The following ATP6V1C1 variants were observed in gnomAD, a reference collection of about 807,000 sequenced individuals.
The protein encoded by ATP6V1C1 is V-type proton ATPase subunit C 1.
A neutral mutation model predicts 53.9 loss-of-function variants in ATP6V1C1; 45 were observed. The observed-to-expected ratio is 0.83, with a 90% CI of 0.66 to 1.07. The LOEUF is 1.07. Ranked by LOEUF, ATP6V1C1 falls within the 50% of genes least tolerant of loss-of-function variation. ATP6V1C1 has a pLI of 0.00. For synonymous variants in ATP6V1C1, 153 were observed against 155.2 expected (o/e 0.99, Z 0.11); for missense variants, 315 against 440.3 (o/e 0.72, Z 2.55).
intron 1 of ATP6V1C1, among the ~76,000 whole-genome samples, chr8:103,025,295 C>T (rs886332246): frequency 2.6e-4 from 39 of 152,064 alleles, no homozygotes; most frequent in Non-Finnish European, 5.9e-5. Flanking sequence ...TCTGTTTCGC[C>T]CCTACCCACT....
chr8:103,040,668 C>A, intron 1 of ATP6V1C1, 130 bp from the exon 2 acceptor site: 1 of 740,656 alleles, frequency 1.4e-6, no homozygotes, highest in Non-Finnish European at 2.0e-6. Flanking sequence ...TTTCACTTTG[C>A]TTGAGATCCT....
chr8:103,024,693 A>G (rs1344897350), intron 1 of ATP6V1C1, among the ~76,000 whole-genome samples: 2 of 152,270 alleles, frequency 1.3e-5, no homozygotes, highest in Non-Finnish European at 2.9e-5. Flanking sequence ...AAAGACAGAC[A>G]TAGTATAAAC....
At chr8:103,066,979 G>GA (rs376277795) in intron 12 of ATP6V1C1, among the ~76,000 whole-genome samples, 124 of 131,742 alleles carry the variant, frequency 9.4e-4, no homozygotes, top group Middle Eastern at 3.8e-3. Context: ...TCTGAAAAAA[G>GA]AAAAAAAAAA....
chr8:103,059,399 A>G (rs1348722667), intron 8 of ATP6V1C1, among the ~76,000 whole-genome samples: 12 of 151,890 alleles, frequency 7.9e-5, no homozygotes, highest in Non-Finnish European at 1.8e-4. Context: ...TATCACCCCA[A>G]TCTCAGACTC....
chr8:103,051,449 A>G (rs1221094743), intron 5 of ATP6V1C1, among the ~76,000 whole-genome samples: 2 of 152,120 alleles, frequency 1.3e-5, no homozygotes, highest in East Asian at 3.8e-4. Context: ...AGAATAGGAA[A>G]TTGGAGTCTA....
intron 10 of ATP6V1C1, 108 bp from the exon 11 acceptor site, chr8:103,064,606 C>T: frequency 2.5e-6 from 2 of 787,766 alleles, no homozygotes; most frequent in Middle Eastern, 2.6e-4. Flanking sequence ...AATTATGCGA[C>T]TTAATTCTTC....
chr8:103,024,303 AT>A (rs976915012), intron 1 of ATP6V1C1, among the ~76,000 whole-genome samples: 1 of 152,134 alleles, frequency 6.6e-6, no homozygotes, highest in African/African-American at 2.4e-5. Context: ...ACTCATTTTT[AT>A]TTTTTTGGTA....
chr8:103,058,135 T>C (rs1327403856), intron 8 of ATP6V1C1, among the ~76,000 whole-genome samples: 1 of 152,218 alleles, frequency 6.6e-6, no homozygotes, highest in Non-Finnish European at 1.5e-5. Context: ...ACTTTAAAAA[T>C]ATTCCATCAG....
intron 12 of ATP6V1C1, among the ~76,000 whole-genome samples, chr8:103,067,165 G>A (rs1286546826): frequency 2.6e-5 from 4 of 152,034 alleles, no homozygotes; most frequent in South Asian, 2.1e-4. Context: ...TTGGGAGGCC[G>A]AGGCGGGGGG....
At chr8:103,049,490 A>G (rs1461005480) in intron 4 of ATP6V1C1, among the ~76,000 whole-genome samples, 3 of 152,246 alleles carry the variant, frequency 2.0e-5, no homozygotes, top group Non-Finnish European at 4.4e-5. Flanking sequence ...CAGTATTTAC[A>G]TAGAGTTTGC....
chr8:103,059,367 G>A (rs549988810), intron 8 of ATP6V1C1, among the ~76,000 whole-genome samples: 1 of 152,044 alleles, frequency 6.6e-6, no homozygotes, highest in African/African-American at 2.4e-5. Context: ...ACTCCATGTG[G>A]TATTTCCTAG....
At chr8:103,032,511 C>T (rs1816816876) in intron 1 of ATP6V1C1, among the ~76,000 whole-genome samples, 3 of 151,512 alleles carry the variant, frequency 2.0e-5, no homozygotes, top group Admixed American at 6.6e-5. Flanking sequence ...TTCTTTCTTT[C>T]CTCACTCTGC....
rs192271559 is a variant in ATP6V1C1, at chr8:103,045,742, C to T, written c.201-3128C>T. Among the ~76,000 whole-genome samples the T allele has an allele frequency of 2.7e-3, 404 of 152,126 alleles. 19 individuals carry two copies. The East Asian group carries it at 0.056, about 21-fold the overall frequency. ...GGATCATGAGGTCAGGAGATCGAGACCATCCTGGCTAACACGATGAAACCC... is the reference window on the plus strand; with the variant it reads ...GGATCATGAGGTCAGGAGATCGAGATCATCCTGGCTAACACGATGAAACCC... On this transcript the variant is annotated intron_variant, in intron 3 of 12. Transcript: ENST00000518738.
intron 1 of ATP6V1C1, among the ~76,000 whole-genome samples, chr8:103,034,796 C>A (rs1185193103): frequency 2.0e-5 from 3 of 152,066 alleles, no homozygotes; most frequent in African/African-American, 7.2e-5. Flanking sequence ...GTCTTGAACT[C>A]TTGATCTCAG....
Position 103,072,481 on chromosome 8 carries a change from G to A in ATP6V1C1, c.*3734G>A, listed in dbSNP as rs1044149564. On this transcript the variant is annotated 3_prime_UTR_variant, in exon 13 of 13. Coordinates refer to ENST00000518738, the MANE Select transcript of ATP6V1C1 (RefSeq NM_001695.5). Reference sequence around the variant, plus strand: ...CTTCTGTTAATGTCAATAAAAGATGGTTTGTCCTAGAAGGTCTATAAATGG... The same window carrying A: ...CTTCTGTTAATGTCAATAAAAGATGATTTGTCCTAGAAGGTCTATAAATGG... The A allele has an allele frequency of 1.3e-5, 2 of 152,198 alleles. No individual in the cohort carries two copies. The highest frequency in any genetic ancestry group is 4.8e-5 in the African/African-American group (2 of 41,444). The allele number at this position is 152,198 out of a possible 1,614,324, so 9.4% of individuals were successfully genotyped here.
chr8:103,068,016 T>C (rs1486994749), intron 12 of ATP6V1C1, among the ~76,000 whole-genome samples: 1 of 152,246 alleles, frequency 6.6e-6, no homozygotes, highest in Non-Finnish European at 1.5e-5. Flanking sequence ...TTTTTGGCTC[T>C]GTTGCTCAGG....
At chr8:103,063,316 C>T in intron 10 of ATP6V1C1, 88 bp downstream of exon 10, 1 of 879,398 alleles carries the variant, frequency 1.1e-6, no homozygotes, top group South Asian at 2.0e-5. Flanking sequence ...AAGTAAAAAT[C>T]TGCTTTGGTT....
Position 103,062,937 on chromosome 8 carries a change from C to CTT in ATP6V1C1, c.642-8_642-7dup, listed in dbSNP as rs375336829. Reference sequence around the variant, plus strand: ...CAATACGTATAAATCTTTAAATGGACTTTTTTTTTTTCCATAGTGTTCTTT... The same window carrying CTT: ...CAATACGTATAAATCTTTAAATGGACTTTTTTTTTTTTTCCATAGTGTTCTTT... On this transcript the variant is annotated splice_polypyrimidine_tract_variant and intron_variant, in intron 8 of 12. Transcript: ENST00000518738. The CTT allele has an allele frequency of 3.3e-5, 40 of 1,215,636 alleles. No homozygotes were observed. The highest frequency in any genetic ancestry group is 2.2e-4 in the Middle Eastern group (1 of 4,492). 75.3% of individuals were successfully genotyped at this position (1,215,636 alleles called of 1,614,324 possible). A position where few individuals can be genotyped will look rare whatever the true frequency, so the allele number is the denominator to read the frequency against.
At chr8:103,067,865 G>T (rs867133796) in intron 12 of ATP6V1C1, among the ~76,000 whole-genome samples, 3 of 152,108 alleles carry the variant, frequency 2.0e-5, no homozygotes. Flanking sequence ...GATTACAGGC[G>T]TGAGCCACCT....
Sources: allele counts gnomAD v4.1 joint callset (sites outside exome capture counted in the v4.1 genomes callset), GRCh38; gene constraint gnomAD v4.1.1; transcripts MANE v1.5; gene names NCBI Gene and HGNC (gene_info 2026-07-23, HGNC 2026-07-21).